Variants in USP34 observed in about 807,000 individuals in gnomAD.
USP34 encodes the protein ubiquitin specific peptidase 34.
USP34 carries 70 observed loss-of-function variants against 460.3 expected under a neutral mutation model. The ratio of observed to expected loss-of-function variants is 0.15; its 90% CI spans 0.13 to 0.19. The LOEUF is 0.19. Ranked by LOEUF, USP34 falls within the 10% of genes least tolerant of loss-of-function variation. The pLI is 1.00. For synonymous variants in USP34, 1,647 were observed against 1,405.3 expected (o/e 1.17, Z -3.85); for missense variants, 3,985 against 4,236.2 (o/e 0.94, Z 1.65).
At chr2:61,341,755 CTTTTTTTTTTT>C (rs896288474) in intron 16 of USP34, among the ~76,000 whole-genome samples, 3 of 91,752 alleles carry the variant, frequency 3.3e-5, no homozygotes, top group East Asian at 3.4e-4. Flanking sequence ...TCAGGTCTTT[CTTTTTTTTTTT>C]TTTTTTTTTT....
At chr2:61,351,779 T>G (rs1206886043) in intron 10 of USP34, among the ~76,000 whole-genome samples, 1 of 152,282 alleles carries the variant, frequency 6.6e-6, no homozygotes, top group East Asian at 1.9e-4. Context: ...TTGGTGAGGC[T>G]TCTTATAAAT....
chr2:61,451,913 C>T (rs1186286200), intron 1 of USP34, among the ~76,000 whole-genome samples: 5 of 152,240 alleles, frequency 3.3e-5, no homozygotes, highest in Admixed American at 1.3e-4. Flanking sequence ...CAGTGGCTCA[C>T]GCCTGGAATC....
At chr2:61,459,788 A>G (rs1465989215) in intron 1 of USP34, among the ~76,000 whole-genome samples, 1 of 150,840 alleles carries the variant, frequency 6.6e-6, no homozygotes, top group East Asian at 2.0e-4. Flanking sequence ...GGCCAGGCAC[A>G]GTGACTCACA....
rs1686611348 is a variant in USP34, at chr2:61,190,674, G to A, written c.9589-16C>T. On this transcript the variant is annotated splice_polypyrimidine_tract_variant and intron_variant, in intron 76 of 79. Coordinates refer to ENST00000398571, the MANE Select transcript of USP34 (RefSeq NM_014709.4). ...ACATAGCAGACTAAAGTGGGGAGAAGATGGTTGAGCACTTACGGTTGAGCA... is the reference window on the plus strand; with the variant it reads ...ACATAGCAGACTAAAGTGGGGAGAAAATGGTTGAGCACTTACGGTTGAGCA... The A allele has an allele frequency of 6.2e-7, 1 of 1,609,814 alleles. No homozygotes were observed. The highest frequency in any genetic ancestry group is 1.3e-5 in the African/African-American group (1 of 74,752).
chr2:61,274,404 A>G (rs181320939), intron 41 of USP34, among the ~76,000 whole-genome samples: 5 of 151,950 alleles, frequency 3.3e-5, no homozygotes, highest in Admixed American at 2.6e-4. Context: ...AAATAAATAA[A>G]TAAGAAACAA....
At chr2:61,332,730 C>G (rs1007721024) in intron 19 of USP34, among the ~76,000 whole-genome samples, 3 of 151,564 alleles carry the variant, frequency 2.0e-5, no homozygotes, top group African/African-American at 4.9e-5. Flanking sequence ...CTTACCCCTC[C>G]TTTTGGAAGC....
At chr2:61,248,422 GTGTAGTTGATGACAACT>G (rs1688481553) in intron 49 of USP34, 72 bp downstream of exon 49, 16 of 1,331,194 alleles carry the variant, frequency 1.2e-5, no homozygotes, top group Non-Finnish European at 1.5e-5. Flanking sequence ...TTTGTTAACT[GTGTAGTTGATGACAACT>G]TTATAATTAT....
chr2:61,348,839 G>C lies in USP34; in HGVS notation c.1591C>G (p.Gln531Glu), dbSNP rs1691850997. The change falls in exon 14 of 80, where the codon CAA becomes GAA. Residue 531 changes from glutamine (Q) to glutamate (E), a missense_variant. This residue lies in a region of USP34 where 716 missense variants were observed against 626.2 expected (regional missense o/e 1.14). Transcript: ENST00000398571. ...ATTTCAATGTCACTACCTCCACTTT[G>C]ATGTGTATCGCTATTATCACTGCTT... ...PQSSDNSDTH[Q>E]SGGSDIEMDE... The C allele has an allele frequency of 1.9e-6, 3 of 1,613,800 alleles. No homozygotes were observed. Among genetic ancestry groups the C allele is most frequent in the Non-Finnish European group, 2.5e-6 (3 of 1,179,844 alleles).
chr2:61,210,706 G>GA (rs1687250722), intron 69 of USP34, among the ~76,000 whole-genome samples: 1 of 152,048 alleles, frequency 6.6e-6, no homozygotes, highest in African/African-American at 2.4e-5. Context: ...GAAGAGTTAA[G>GA]AAAGCTCCAA....
intron 5 of USP34, among the ~76,000 whole-genome samples, chr2:61,391,525 C>T (rs10496093): frequency 0.12 from 17,992 of 152,158 alleles, 1,443 homozygotes; most frequent in South Asian, 0.33. Flanking sequence ...TCTTTACAAA[C>T]GGCTGCCCTA....
intron 27 of USP34, among the ~76,000 whole-genome samples, chr2:61,304,264 A>C (rs1390468710): frequency 6.6e-6 from 1 of 152,236 alleles, no homozygotes; most frequent in Non-Finnish European, 1.5e-5. Context: ...TGATATTTGC[A>C]ATATTAAAAC....
chr2:61,470,544 G>T, intron 1 of USP34, 106 bp downstream of exon 1: 1 of 682,188 alleles, frequency 1.5e-6, no homozygotes, highest in Non-Finnish European at 2.4e-6. Context: ...CACGCCGCCC[G>T]GCCCGGCCGT....
intron 1 of USP34, among the ~76,000 whole-genome samples, chr2:61,445,469 A>T (rs1257002994): frequency 1.3e-5 from 2 of 149,406 alleles, no homozygotes; most frequent in African/African-American, 4.9e-5. Flanking sequence ...CGGGAGGCAG[A>T]GTTTGCAGTG....
intron 27 of USP34, among the ~76,000 whole-genome samples, chr2:61,304,374 T>G (rs1473538324): frequency 2.6e-5 from 4 of 152,250 alleles, no homozygotes; most frequent in Non-Finnish European, 5.9e-5. Context: ...TACTGGCCTG[T>G]ATTTGATATG....
intron 21 of USP34, among the ~76,000 whole-genome samples, chr2:61,319,830 C>T (rs545919141): frequency 4.6e-5 from 7 of 152,104 alleles, no homozygotes; most frequent in South Asian, 2.1e-4. Flanking sequence ...GGCAACAGCG[C>T]GAGATTCCAT....
intron 34 of USP34, among the ~76,000 whole-genome samples, chr2:61,288,183 C>G (rs1558511126): frequency 2.0e-5 from 3 of 152,164 alleles, no homozygotes; most frequent in African/African-American, 4.8e-5. Context: ...TCTCAGAGGC[C>G]TAAACCCCGG....
chr2:61,343,714 T>A (rs1041153421), intron 16 of USP34, 101 bp downstream of exon 16: 1 of 1,260,572 alleles, frequency 7.9e-7, no homozygotes, highest in Non-Finnish European at 1.1e-6. Context: ...ACAAAAACAT[T>A]TAAGTACCAT....
intron 41 of USP34, among the ~76,000 whole-genome samples, chr2:61,272,522 G>C (rs923312993): frequency 8.6e-5 from 13 of 151,398 alleles, no homozygotes; most frequent in Non-Finnish European, 1.9e-4. Flanking sequence ...AATATTCCAC[G>C]TCAAAGCACT....
chr2:61,459,352 T>G (rs1695532176), intron 1 of USP34, among the ~76,000 whole-genome samples: 1 of 152,204 alleles, frequency 6.6e-6, no homozygotes, highest in Non-Finnish European at 1.5e-5. Context: ...AGGAAAACAC[T>G]GTATAAGAAA....
Sources: gnomAD v4.1 joint callset for allele counts (sites outside exome capture counted in the v4.1 genomes callset) on GRCh38, gnomAD v4.1.1 for gene constraint, gnomAD v4.1.1 regional missense constraint, MANE v1.5 for transcripts, NCBI Gene and HGNC (gene_info 2026-07-23, HGNC 2026-07-21) for gene names.